SLC4A7: variants seen among roughly 807,000 people sequenced by gnomAD.
SLC4A7 encodes the protein solute carrier family 4 member 7, also known as sodium bicarbonate cotransporter 3.
In SLC4A7, 51 loss-of-function variants were observed where a neutral mutation model predicts 137.6. The ratio of observed to expected loss-of-function variants is 0.37; its 90% confidence interval spans 0.30 to 0.47. SLC4A7 has a LOEUF of 0.47. Among genes scored for constraint, SLC4A7 ranks in the 20% least tolerant of loss-of-function variants. The pLI is 1.00. For synonymous variants in SLC4A7, 542 were observed against 518.6 expected (o/e 1.05, Z -0.61); for missense variants, 1,247 against 1,525.4 (o/e 0.82, Z 3.04).
chr3:27,437,569 A>G (rs750111914), intron 3 of SLC4A7, 43 bp from the exon 4 acceptor site: 1 of 1,324,550 alleles, frequency 7.5e-7, no homozygotes, highest in South Asian at 1.7e-5. Flanking sequence ...TTTTTCCTCA[A>G]GTCATTCAAA....
At chr3:27,458,971 G>C (rs2058553368) in intron 1 of SLC4A7, among the ~76,000 whole-genome samples, 1 of 152,104 alleles carries the variant, frequency 6.6e-6, no homozygotes, top group South Asian at 2.1e-4. Flanking sequence ...CTCCAGCCTG[G>C]ACAACAGAGC....
intron 13 of SLC4A7, among the ~76,000 whole-genome samples, chr3:27,408,883 T>C (rs1470337939): frequency 6.6e-6 from 1 of 152,248 alleles, no homozygotes; most frequent in Non-Finnish European, 1.5e-5. Flanking sequence ...AGCCACAGTT[T>C]CCATAATTAT....
rs192134675 is a variant in SLC4A7 at position 27,476,844 on chromosome 3, T to C, written c.60+7223A>G. 1.6e-3 allele frequency among the ~76,000 whole-genome samples: 243 copies of C among 152,294 alleles called. 1 individual carries two copies. Among genetic ancestry groups the C allele is most frequent in the Admixed American group, 1.6e-3 (25 of 15,280 alleles). On this transcript the variant is annotated intron_variant, in intron 1 of 25. Transcript: ENST00000454389. ...TTACCCAGTCTCAGGTAGTTCTTTA[T>C]AGCACTGTCATAACAGACTAATACA...
chr3:27,472,094 C>A (rs1243847675), intron 1 of SLC4A7, among the ~76,000 whole-genome samples: 7 of 152,184 alleles, frequency 4.6e-5, no homozygotes, highest in African/African-American at 1.7e-4. Context: ...CTCTTCAAAG[C>A]TCACAACCAT....
At position 27,404,931 on chromosome 3, in the gene SLC4A7, T is replaced by A; in HGVS notation, c.1974A>T (p.Leu658Phe). 6.2e-7 allele frequency: 1 copy of A among 1,607,986 alleles called. No individual in the cohort carries two copies. The change falls in exon 14 of 26, where the codon TTA becomes TTT. Residue 658 changes from leucine (L) to phenylalanine (F), a missense_variant. Around this residue, in one of 6 missense-constraint regions of SLC4A7, gnomAD observed 499 missense variants for 664.2 expected, o/e 0.75. Transcript: ENST00000454389. Reference protein sequence around the residue: ...SAIESLFGASLTGIAYSLFAG... With the variant: ...SAIESLFGASFTGIAYSLFAG... ...CAAACAATGAATAGGCAATCCCAGT[T>A]AATGATGCTCCAAAAAGAGACTCTA...
chr3:27,387,262 GT>G (rs1272242008), intron 22 of SLC4A7, among the ~76,000 whole-genome samples: 12 of 152,086 alleles, frequency 7.9e-5, no homozygotes, highest in Non-Finnish European at 1.2e-4. Flanking sequence ...TAGTAGTTAT[GT>G]CTTTCTTTCT....
chr3:27,452,394 T>C (rs536450333), intron 2 of SLC4A7, 23 bp downstream of exon 2: 1 of 1,471,248 alleles, frequency 6.8e-7, no homozygotes, highest in African/African-American at 1.4e-5. Context: ...CTAAGCGAAG[T>C]AAGTTATTTT....
chr3:27,390,240 G>T, intron 21 of SLC4A7, 136 bp from the exon 22 acceptor site: 1 of 226,822 alleles, frequency 4.4e-6, no homozygotes. Context: ...ACAGGAGAAT[G>T]TTACAGCAAG....
At chr3:27,421,227 C>T (rs1284181741) in intron 9 of SLC4A7, among the ~76,000 whole-genome samples, 1 of 152,018 alleles carries the variant, frequency 6.6e-6, no homozygotes, top group Non-Finnish European at 1.5e-5. Flanking sequence ...TGGCTGGGCA[C>T]AGTGGCTCAC....
intron 1 of SLC4A7, among the ~76,000 whole-genome samples, chr3:27,475,437 T>G (rs918900393): frequency 4.6e-5 from 7 of 151,966 alleles, no homozygotes; most frequent in African/African-American, 1.7e-4. Flanking sequence ...AGTGGCATAT[T>G]AGAAATAGGG....
intron 24 of SLC4A7, among the ~76,000 whole-genome samples, chr3:27,380,079 C>T (rs867483859): frequency 2.0e-5 from 3 of 152,114 alleles, no homozygotes; most frequent in Non-Finnish European, 4.4e-5. Context: ...GAGGCCAAGG[C>T]GGGCGGATCA....
chr3:27,479,424 A>AAC (rs984777612), intron 1 of SLC4A7, among the ~76,000 whole-genome samples: 13 of 35,944 alleles, frequency 3.6e-4, no homozygotes, highest in Admixed American at 1.5e-3. Flanking sequence ...CCTCAGCAAC[A>AAC]AAAAAAAAAA....
At chr3:27,408,897 C>G (rs537114305) in intron 13 of SLC4A7, among the ~76,000 whole-genome samples, 1 of 152,308 alleles carries the variant, frequency 6.6e-6, no homozygotes, top group Non-Finnish European at 1.5e-5. Context: ...TAATTATGTT[C>G]TATTCTTCCA....
intron 1 of SLC4A7, among the ~76,000 whole-genome samples, chr3:27,483,470 G>A (rs1490295844): frequency 6.6e-6 from 1 of 152,218 alleles, no homozygotes; most frequent in African/African-American, 2.4e-5. Context: ...CAGCGAAAGA[G>A]CCTTGGCCGG....
chr3:27,465,155 C>G (rs984714451), intron 1 of SLC4A7, among the ~76,000 whole-genome samples: 1 of 151,486 alleles, frequency 6.6e-6, no homozygotes, highest in African/African-American at 2.4e-5. Flanking sequence ...GAAAATTATC[C>G]AGGCGTGCCT....
At chr3:27,435,506 T>C (rs2056664347) in intron 5 of SLC4A7, among the ~76,000 whole-genome samples, 1 of 152,132 alleles carries the variant, frequency 6.6e-6, no homozygotes, top group African/African-American at 2.4e-5. Context: ...ATTCCTCAAC[T>C]TAAAAACCAT....
intron 8 of SLC4A7, among the ~76,000 whole-genome samples, chr3:27,423,418 T>A (rs1332668968): frequency 6.6e-6 from 1 of 152,244 alleles, no homozygotes; most frequent in African/African-American, 2.4e-5. Context: ...TACATTCAGT[T>A]ACAATTTGAA....
intron 25 of SLC4A7, among the ~76,000 whole-genome samples, chr3:27,377,270 C>A (rs1235825255): frequency 6.6e-6 from 1 of 152,036 alleles, no homozygotes; most frequent in African/African-American, 2.4e-5. Context: ...TATAAAACTT[C>A]TCACCCCAAA....
Position 27,402,193 on chromosome 3 carries a change from T to C in SLC4A7, c.2321+946A>G, listed in dbSNP as rs951460785. ...CCATATTTACGCCAAGCGTGACTGC[T>C]AAAGACAGCAAATAAAGGCATCTAC... On this transcript the variant is annotated intron_variant, in intron 15 of 25. Transcript: ENST00000454389. Among the ~76,000 whole-genome samples, 25 of 152,238 alleles carry C rather than the reference T, an allele frequency of 1.6e-4. 2 individuals are homozygous for C. The highest frequency in any genetic ancestry group is 1.4e-3 in the Admixed American group (21 of 15,274).
Sources: allele counts gnomAD v4.1 joint callset (sites outside exome capture counted in the v4.1 genomes callset), GRCh38; gene constraint gnomAD v4.1.1; regional missense constraint gnomAD v4.1.1; transcripts MANE v1.5; gene names NCBI Gene and HGNC (gene_info 2026-07-23, HGNC 2026-07-21).